Variants in POU6F2 observed in about 807,000 individuals in gnomAD.
The protein encoded by POU6F2 is POU domain, class 6, transcription factor 2.
POU6F2 carries 31 observed loss-of-function variants against 71.3 expected under a neutral mutation model. The ratio of observed to expected loss-of-function variants is 0.43; its 90% CI spans 0.33 to 0.59. The LOEUF is 0.59. Ranked by LOEUF, POU6F2 falls within the 20% of genes least tolerant of loss-of-function variation. The probability of loss-of-function intolerance (pLI) is 0.04; values close to 1 mark genes in which losing one functional copy is unlikely to be tolerated. For synonymous variants in POU6F2, 347 were observed against 355.7 expected (o/e 0.98, Z 0.27); for missense variants, 783 against 856.8 (o/e 0.91, Z 1.07).
At chr7:39,079,180 CTTTTTTTTTTTTT>C (rs1162865518) in intron 1 of POU6F2, among the ~76,000 whole-genome samples, 1 of 79,306 alleles carries the variant, frequency 1.3e-5, no homozygotes, top group East Asian at 3.6e-4. Flanking sequence ...CTCACAATAT[CTTTTTTTTTTTTT>C]TTTTTTTTTT....
At chr7:39,074,107 A>T (rs1048999503) in intron 1 of POU6F2, among the ~76,000 whole-genome samples, 1 of 152,188 alleles carries the variant, frequency 6.6e-6, no homozygotes, top group South Asian at 2.1e-4. Flanking sequence ...CTAGAACTTT[A>T]AGAGCCCATG....
chr7:39,155,251 TG>T (rs1169829493), intron 2 of POU6F2, among the ~76,000 whole-genome samples: 3 of 98,278 alleles, frequency 3.1e-5, no homozygotes, highest in African/African-American at 1.2e-4. Flanking sequence ...TGAGTTTTTT[TG>T]GGGGGTGGGG....
intron 5 of POU6F2, among the ~76,000 whole-genome samples, chr7:39,399,789 A>G (rs1169217084): frequency 6.6e-6 from 1 of 151,902 alleles, no homozygotes; most frequent in Admixed American, 6.6e-5. Context: ...GTTCGAGGCC[A>G]CAGTGAATTA....
At chr7:39,346,176 A>C (rs532262394) in intron 5 of POU6F2, among the ~76,000 whole-genome samples, 2 of 152,332 alleles carry the variant, frequency 1.3e-5, no homozygotes, top group South Asian at 4.1e-4. Context: ...GAGGAACAAC[A>C]AAGTTTATAT....
At chr7:39,015,791 AT>A (rs1789486200) in intron 1 of POU6F2, among the ~76,000 whole-genome samples, 1 of 96,084 alleles carries the variant, frequency 1.0e-5, no homozygotes, top group Non-Finnish European at 1.8e-5. Context: ...ATGGTATATT[AT>A]ATATAGATAT....
intron 2 of POU6F2, among the ~76,000 whole-genome samples, chr7:39,154,286 G>C (rs534491019): frequency 3.3e-5 from 5 of 152,070 alleles, no homozygotes; most frequent in Non-Finnish European, 7.4e-5. Context: ...GAGTAAGGTA[G>C]ACCTGGGTTT....
intron 2 of POU6F2, among the ~76,000 whole-genome samples, chr7:39,088,062 G>A (rs1024972427): frequency 6.6e-6 from 1 of 152,156 alleles, no homozygotes; most frequent in African/African-American, 2.4e-5. Flanking sequence ...CTGAGTTTGT[G>A]TGAGAGAACA....
At chr7:39,438,849 G>A (rs6966251) in intron 7 of POU6F2, among the ~76,000 whole-genome samples, 190 of 152,352 alleles carry the variant, frequency 1.2e-3, no homozygotes, top group African/African-American at 4.4e-3. Flanking sequence ...TTGGGGTGGA[G>A]AGTTCTGTTA....
intron 2 of POU6F2, among the ~76,000 whole-genome samples, chr7:39,119,451 G>T (rs1791998478): frequency 1.3e-5 from 2 of 152,108 alleles, no homozygotes; most frequent in South Asian, 4.1e-4. Flanking sequence ...TTCAAAGATG[G>T]TGATATAATT....
intron 1 of POU6F2, among the ~76,000 whole-genome samples, chr7:39,001,096 T>G (rs1311273929): frequency 6.6e-6 from 1 of 152,220 alleles, no homozygotes; most frequent in Non-Finnish European, 1.5e-5. Flanking sequence ...CCTTACCTTT[T>G]AACCTGTGTG....
At chr7:39,414,760 G>C (rs1319968200) in intron 6 of POU6F2, among the ~76,000 whole-genome samples, 1 of 151,904 alleles carries the variant, frequency 6.6e-6, no homozygotes, top group African/African-American at 2.4e-5. Flanking sequence ...TCGCTTTAGG[G>C]TTAACTTAAA....
At chr7:39,345,151 A>G (rs188129700) in intron 5 of POU6F2, among the ~76,000 whole-genome samples, 159 of 152,328 alleles carry the variant, frequency 1.0e-3, no homozygotes, top group Non-Finnish European at 1.9e-3. Flanking sequence ...AAAATCAGTC[A>G]TATGAACATT....
intron 2 of POU6F2, among the ~76,000 whole-genome samples, chr7:39,128,602 G>A (rs73365516): frequency 1.3e-5 from 2 of 152,362 alleles, no homozygotes; most frequent in African/African-American, 4.8e-5. Context: ...TCTACTGTCA[G>A]TCTTTACAGA....
intron 6 of POU6F2, among the ~76,000 whole-genome samples, chr7:39,426,337 C>G (rs1787970957): frequency 6.6e-6 from 1 of 152,280 alleles, no homozygotes; most frequent in Non-Finnish European, 1.5e-5. Flanking sequence ...TTCCAGCTGC[C>G]CCTTTCCTGC....
chr7:39,135,505 A>C (rs1792372385), intron 2 of POU6F2, among the ~76,000 whole-genome samples: 2 of 152,170 alleles, frequency 1.3e-5, no homozygotes, highest in African/African-American at 4.8e-5. Context: ...GGGTTATGAT[A>C]GTTTAATATT....
At chr7:39,285,205 A>G (rs1368208681) in intron 4 of POU6F2, among the ~76,000 whole-genome samples, 4 of 152,218 alleles carry the variant, frequency 2.6e-5, no homozygotes, top group African/African-American at 9.6e-5. Context: ...TCCTGCAAGG[A>G]TTGGAACTCA....
intron 4 of POU6F2, among the ~76,000 whole-genome samples, chr7:39,289,742 G>T (rs1298374120): frequency 6.6e-6 from 1 of 152,148 alleles, no homozygotes; most frequent in African/African-American, 2.4e-5. Flanking sequence ...TTTGGTAGTC[G>T]ATTAAAACAA....
chr7:39,283,383 C>G (rs1784597636), intron 4 of POU6F2, among the ~76,000 whole-genome samples: 2 of 152,084 alleles, frequency 1.3e-5, no homozygotes, highest in Admixed American at 1.3e-4. Context: ...ACTTTTTCAT[C>G]ATCCCAAACT....
chr7:39,065,723 T>G (rs1288190344), intron 1 of POU6F2, among the ~76,000 whole-genome samples: 1 of 151,580 alleles, frequency 6.6e-6, no homozygotes, highest in East Asian at 1.9e-4. Context: ...TAAGAAAAGA[T>G]GAATGATCCA....
Sources: gnomAD v4.1 joint callset for allele counts (sites outside exome capture counted in the v4.1 genomes callset) on GRCh38, gnomAD v4.1.1 for gene constraint, MANE v1.5 for transcripts, NCBI Gene and HGNC (gene_info 2026-07-23, HGNC 2026-07-21) for gene names.